DTNBP1: variants seen among roughly 807,000 people sequenced by gnomAD.
The protein encoded by DTNBP1 is dystrobrevin binding protein 1.
In DTNBP1, 35 loss-of-function variants were observed where a neutral mutation model predicts 42.8. The ratio of observed to expected loss-of-function variants is 0.82; its 90% CI spans 0.63 to 1.09. DTNBP1 has a LOEUF of 1.09. Among genes scored for constraint, DTNBP1 ranks in the 50% least tolerant of loss-of-function variants. DTNBP1 has a pLI of 0.00. For missense variants in DTNBP1, 457 were observed against 424.2 expected, an observed-to-expected ratio of 1.08 and a Z score of -0.68; for synonymous variants, 171 against 162.2, an observed-to-expected ratio of 1.05 and a Z score of -0.41.
chr6:15,541,945 A>G (rs1773587281), intron 7 of DTNBP1, among the ~76,000 whole-genome samples: 1 of 152,204 alleles, frequency 6.6e-6, no homozygotes, highest in Non-Finnish European at 1.5e-5. Context: ...TGTATAGAAA[A>G]CTAGGATAAG....
intron 7 of DTNBP1, among the ~76,000 whole-genome samples, chr6:15,570,176 A>T (rs951741582): frequency 6.6e-6 from 1 of 152,090 alleles, no homozygotes; most frequent in African/African-American, 2.4e-5. Flanking sequence ...GTTTACAGAA[A>T]AAAAAAAAAG....
chr6:15,530,598 C>T (rs1461530327), intron 8 of DTNBP1, among the ~76,000 whole-genome samples: 2 of 152,118 alleles, frequency 1.3e-5, no homozygotes, highest in East Asian at 1.9e-4. Context: ...GTCCCTGTCA[C>T]CAGGGGCTGG....
At chr6:15,651,212 A>C in intron 3 of DTNBP1, 101 bp downstream of exon 3, 3 of 1,060,188 alleles carry the variant, frequency 2.8e-6, no homozygotes, top group Non-Finnish European at 4.3e-6. Context: ...ATTAAGATAA[A>C]ATTTAGCTGT....
chr6:15,623,108 A>G (rs1395479630), intron 5 of DTNBP1, among the ~76,000 whole-genome samples: 1 of 152,242 alleles, frequency 6.6e-6, no homozygotes, highest in Non-Finnish European at 1.5e-5. Flanking sequence ...TGCAAAAGCC[A>G]TTATGGAACA....
intron 8 of DTNBP1, 83 bp downstream of exon 8, chr6:15,533,157 A>G: frequency 1.9e-6 from 3 of 1,593,756 alleles, no homozygotes; most frequent in Non-Finnish European, 2.6e-6. Flanking sequence ...ATTCTGCCCC[A>G]TGCCCTGCTC....
intron 9 of DTNBP1, 192 bp downstream of exon 9, chr6:15,524,334 C>T: frequency 6.2e-7 from 1 of 1,612,110 alleles, no homozygotes; most frequent in Non-Finnish European, 8.5e-7. Flanking sequence ...GAGAAGAATT[C>T]ATGACGGAAC....
At chr6:15,574,244 A>G (rs948755199) in intron 7 of DTNBP1, among the ~76,000 whole-genome samples, 3 of 152,224 alleles carry the variant, frequency 2.0e-5, no homozygotes, top group African/African-American at 7.2e-5. Flanking sequence ...AAAGTGGTAC[A>G]ACAGCTGCTA....
At chr6:15,595,241 A>G in intron 6 of DTNBP1, 1 of 398,404 alleles carries the variant, frequency 2.5e-6, no homozygotes, top group South Asian at 1.8e-5. Flanking sequence ...AAAAATCAGT[A>G]TTATGCAACT....
intron 8 of DTNBP1, among the ~76,000 whole-genome samples, chr6:15,527,498 A>G (rs2127790392): frequency 6.6e-6 from 1 of 152,352 alleles, no homozygotes; most frequent in Middle Eastern, 3.4e-3. Context: ...ATGAATGTCA[A>G]AATTTGTAGG....
chr6:15,531,394 C>T (rs946117889), intron 8 of DTNBP1, among the ~76,000 whole-genome samples: 6 of 152,270 alleles, frequency 3.9e-5, no homozygotes, highest in East Asian at 1.9e-4. Flanking sequence ...GAATCCTGCA[C>T]GTATGCTCGG....
chr6:15,546,022 G>GTGGAGC (rs1386733689), intron 7 of DTNBP1: 2 of 450,976 alleles, frequency 4.4e-6, no homozygotes, highest in Admixed American at 4.9e-5. Context: ...CGCCAGGAGG[G>GTGGAGC]TGGAGCTGGC....
chr6:15,540,252 CAT>C (rs1284666512), intron 7 of DTNBP1, among the ~76,000 whole-genome samples: 1 of 152,192 alleles, frequency 6.6e-6, no homozygotes, highest in African/African-American at 2.4e-5. Context: ...CAGTTGTCAA[CAT>C]ATCTGTTCAA....
rs569940158 is a variant in DTNBP1, at chr6:15,577,547, T to C, written c.511+15512A>G. 1.2e-4 allele frequency among the ~76,000 whole-genome samples: 18 copies of C among 152,344 alleles called. No homozygotes were observed. The South Asian group carries it at 1.2e-3, about 11-fold the overall frequency. ...GCAGCATTTTTGTTGATGTCTCTTA[T>C]AGCCTAAGCCTGGGGATGAACAGCG... On this transcript the variant is annotated intron_variant, in intron 7 of 9. Transcript: ENST00000344537.
At chr6:15,570,122 A>ATTGGT (rs1403216471) in intron 7 of DTNBP1, among the ~76,000 whole-genome samples, 5 of 152,070 alleles carry the variant, frequency 3.3e-5, no homozygotes, top group Admixed American at 2.0e-4. Context: ...CCTGGCATAC[A>ATTGGT]GTGGACAATC....
intron 6 of DTNBP1, 96 bp downstream of exon 6, chr6:15,615,171 T>C: frequency 6.4e-7 from 1 of 1,571,424 alleles, no homozygotes; most frequent in Non-Finnish European, 8.7e-7. Context: ...GAAACCTTTG[T>C]CTTTTATCAG....
intron 4 of DTNBP1, among the ~76,000 whole-genome samples, chr6:15,629,549 T>C (rs1037354417): frequency 1.4e-5 from 2 of 146,244 alleles, no homozygotes; most frequent in South Asian, 4.2e-4. Context: ...AACACTAAAC[T>C]ATCATTTAAA....
At chr6:15,549,491 TAAAAAAA>T (rs1171397685) in intron 7 of DTNBP1, among the ~76,000 whole-genome samples, 14 of 77,952 alleles carry the variant, frequency 1.8e-4, no homozygotes, top group African/African-American at 4.0e-4. Flanking sequence ...TCTCAGGGAT[TAAAAAAA>T]AAAAAAAAAA....
intron 6 of DTNBP1, among the ~76,000 whole-genome samples, chr6:15,606,825 GA>G (rs1758087290): frequency 6.6e-6 from 1 of 152,050 alleles, no homozygotes; most frequent in East Asian, 1.9e-4. Context: ...TGTTAAAAAG[GA>G]AGAAGGTTTA....
intron 1 of DTNBP1, among the ~76,000 whole-genome samples, chr6:15,654,512 A>G (rs185183983): frequency 1.3e-5 from 2 of 152,308 alleles, no homozygotes; most frequent in Non-Finnish European, 2.9e-5. Context: ...TGATCCAGCA[A>G]ATCTCTAAGT....
Sources: allele counts gnomAD v4.1 joint callset (sites outside exome capture counted in the v4.1 genomes callset), GRCh38; gene constraint gnomAD v4.1.1; transcripts MANE v1.5; gene names NCBI Gene and HGNC (gene_info 2026-07-23, HGNC 2026-07-21).